BCL2L14: variants seen among roughly 807,000 people sequenced by gnomAD.
The protein encoded by BCL2L14 is BCL2 like 14, also known as apoptosis facilitator Bcl-2-like protein 14.
A neutral mutation model predicts 35.3 loss-of-function variants in BCL2L14; 27 were observed. The ratio of observed to expected loss-of-function variants is 0.76; its 90% CI spans 0.56 to 1.05. The LOEUF (loss-of-function observed/expected upper bound fraction) is 1.05. BCL2L14 is among the 50% of genes least tolerant of loss of function. The pLI is 0.00. For missense variants in BCL2L14, 377 were observed against 382.6 expected, an observed-to-expected ratio of 0.99 and a Z score of 0.12; for synonymous variants, 139 against 145.9, an observed-to-expected ratio of 0.95 and a Z score of 0.34.
At chr12:12,064,271 GC>G (rs1194138807) in intron 2 of BCL2L14, among the ~76,000 whole-genome samples, 2 of 151,774 alleles carry the variant, frequency 1.3e-5, no homozygotes, top group Non-Finnish European at 2.9e-5. Flanking sequence ...GGGACTACAG[GC>G]ATGCAGTACC....
chr12:12,075,744 C>T lies in BCL2L14; in HGVS notation c.-7-3555C>T, dbSNP rs560382536. On this transcript the variant is annotated intron_variant, in intron 1 of 5. Transcript: ENST00000308721. ...CCTGCCGGATATGTTTCTTATGTCT[C>T]TTTTAAGCTGTAGCAGTTCTCTGTC... 1.7e-4 allele frequency among the ~76,000 whole-genome samples: 26 copies of T among 152,200 alleles called. No homozygotes were observed. The East Asian group carries it at 4.5e-3, about 26-fold the overall frequency.
Position 12,088,433 on chromosome 12 carries a change from G to A in BCL2L14, c.607+1047G>A, listed in dbSNP as rs1009911953. Among the ~76,000 whole-genome samples the A allele has an allele frequency of 2.0e-5, 3 of 152,210 alleles. No individual in the cohort carries two copies. In the East Asian group the frequency reaches 5.8e-4, roughly 29 times the overall value. On this transcript the variant is annotated intron_variant, in intron 3 of 5. Coordinates refer to ENST00000308721, the MANE Select transcript of BCL2L14 (RefSeq NM_138723.2). ...ATGTTGTCTGCTCCCTAGGGCACAC[G>A]TGGTTGGAAAGGAAAAGGGAAAATG...
At chr12:12,055,274 T>C (rs1183552958) in intron 2 of BCL2L14, 1 of 152,194 alleles carries the variant, frequency 6.6e-6, no homozygotes, top group Admixed American at 6.5e-5. Flanking sequence ...CCAGCAATTC[T>C]CCAACTCATT....
chr12:12,054,300 C>T (rs559156166), intron 2 of BCL2L14, among the ~76,000 whole-genome samples: 4 of 152,014 alleles, frequency 2.6e-5, no homozygotes, highest in South Asian at 2.1e-4. Flanking sequence ...GTCAGGAGTT[C>T]GAGACCAGCC....
chr12:12,056,785 G>A (rs1158423819), intron 2 of BCL2L14, among the ~76,000 whole-genome samples: 2 of 152,084 alleles, frequency 1.3e-5, no homozygotes, highest in Non-Finnish European at 1.5e-5. Flanking sequence ...GCAGTGAGCC[G>A]AGATTGCGCC....
At chr12:12,095,991 G>T (rs1949304910) in intron 5 of BCL2L14, 3 of 985,262 alleles carry the variant, frequency 3.0e-6, no homozygotes, top group Non-Finnish European at 3.6e-6. Flanking sequence ...AGGAGGACAG[G>T]TTCCTCAACA....
At chr12:12,075,511 C>G (rs765209382) in intron 1 of BCL2L14, among the ~76,000 whole-genome samples, 3 of 151,796 alleles carry the variant, frequency 2.0e-5, no homozygotes, top group Admixed American at 6.6e-5. Context: ...CTGCAACCTC[C>G]GCCTCCTGGG....
At chr12:12,078,545 G>C (rs1469301107) in intron 1 of BCL2L14, among the ~76,000 whole-genome samples, 4 of 152,168 alleles carry the variant, frequency 2.6e-5, no homozygotes, top group African/African-American at 9.7e-5. Flanking sequence ...TCAAGCCCTG[G>C]CTATTTGCAA....
At chr12:12,098,542 T>C (rs1949362709) in intron 5 of BCL2L14, among the ~76,000 whole-genome samples, 1 of 152,202 alleles carries the variant, frequency 6.6e-6, no homozygotes, top group Non-Finnish European at 1.5e-5. Flanking sequence ...GATTCTGATT[T>C]ACTCCTTGGC....
chr12:12,082,540 C>CT (rs1948950520), intron 2 of BCL2L14, among the ~76,000 whole-genome samples: 1 of 152,220 alleles, frequency 6.6e-6, no homozygotes, highest in East Asian at 1.9e-4. Context: ...TCAGTATTTA[C>CT]TGGAGTGTCA....
intron 2 of BCL2L14, among the ~76,000 whole-genome samples, chr12:12,086,549 G>A (rs183151140): frequency 1.2e-4 from 18 of 149,280 alleles, no homozygotes; most frequent in Admixed American, 8.0e-4. Flanking sequence ...AATACATGAC[G>A]TAACTCTTTT....
chr12:12,073,614 A>C (rs1230457792), intron 1 of BCL2L14, among the ~76,000 whole-genome samples: 1 of 151,942 alleles, frequency 6.6e-6, no homozygotes, highest in East Asian at 1.9e-4. Flanking sequence ...ACACACACAC[A>C]CAATTTTAAA....
chr12:12,079,979 T>C (rs2448044), intron 2 of BCL2L14, among the ~76,000 whole-genome samples: 150,637 of 152,334 alleles, frequency 0.99, 74,511 homozygotes, highest in East Asian at 1. Flanking sequence ...CCAAGGCGGG[T>C]GGATCATGAG....
intron 1 of BCL2L14, chr12:12,077,941 G>A: frequency 2.3e-6 from 1 of 433,514 alleles, no homozygotes; most frequent in South Asian, 1.6e-5. Flanking sequence ...AAAAAGAACT[G>A]CTTTCCTAGC....
chr12:12,067,968 C>G (rs1298031447), upstream of BCL2L14, among the ~76,000 whole-genome samples: 2 of 151,938 alleles, frequency 1.3e-5, no homozygotes, highest in Admixed American at 1.3e-4. Flanking sequence ...GGGTCTGGCT[C>G]TGTCACCCAG....
At position 12,099,277 on chromosome 12, in the gene BCL2L14, C is replaced by G. The variant is rs1591843426; in HGVS notation, c.*289C>G. ...TTGTTTCAAACGTTCAGAACAGATACCATCATCCTGCCTTTGTTAGCTGCT... is the reference window on the plus strand; with the variant it reads ...TTGTTTCAAACGTTCAGAACAGATAGCATCATCCTGCCTTTGTTAGCTGCT... On this transcript the variant is annotated 3_prime_UTR_variant, in exon 6 of 6. Coordinates refer to ENST00000308721, the MANE Select transcript of BCL2L14 (RefSeq NM_138723.2). 5.1e-6 allele frequency: 2 copies of G among 389,290 alleles called. No homozygotes were observed. The highest frequency in any genetic ancestry group is 1.1e-4 in the East Asian group (2 of 18,662). 24.1% of individuals were successfully genotyped at this position (389,290 alleles called of 1,614,324 possible).
intron 2 of BCL2L14, among the ~76,000 whole-genome samples, chr12:12,085,196 C>G (rs1949016886): frequency 6.6e-6 from 1 of 151,932 alleles, no homozygotes; most frequent in African/African-American, 2.4e-5. Flanking sequence ...GAGGAGGGGA[C>G]AGAGCCTTTG....
chr12:12,076,926 A>C (rs1948792577), intron 1 of BCL2L14, among the ~76,000 whole-genome samples: 1 of 152,180 alleles, frequency 6.6e-6, no homozygotes. Context: ...TTGGACACCG[A>C]GGAACAAAAA....
intron 4 of BCL2L14, among the ~76,000 whole-genome samples, chr12:12,093,670 G>A (rs1949245791): frequency 6.6e-6 from 1 of 151,970 alleles, no homozygotes; most frequent in South Asian, 2.1e-4. Flanking sequence ...GTGTGTGCCA[G>A]TAATCCCAGC....
Sources: gnomAD v4.1 joint callset for allele counts (sites outside exome capture counted in the v4.1 genomes callset) on GRCh38, gnomAD v4.1.1 for gene constraint, MANE v1.5 for transcripts, NCBI Gene and HGNC (gene_info 2026-07-23, HGNC 2026-07-21) for gene names.